Variants in GUCY2C observed in about 807,000 individuals in gnomAD.
GUCY2C encodes guanylyl cyclase C.
A neutral mutation model predicts 131.1 loss-of-function variants in GUCY2C; 118 were observed. The observed-to-expected ratio is 0.90, with a 90% CI of 0.78 to 1.05. The LOEUF (loss-of-function observed/expected upper bound fraction) is 1.05. Among genes scored for constraint, GUCY2C ranks in the 50% least tolerant of loss-of-function variants. The probability of loss-of-function intolerance (pLI) is 0.00; values close to 1 mark genes in which losing one functional copy is unlikely to be tolerated. For missense variants in GUCY2C, 1,161 were observed against 1,304.4 expected, an observed-to-expected ratio of 0.89 and a Z score of 1.69; for synonymous variants, 452 against 457.8, an observed-to-expected ratio of 0.99 and a Z score of 0.16.
intron 23 of GUCY2C, among the ~76,000 whole-genome samples, chr12:14,619,564 T>G (rs1331681600): frequency 6.6e-6 from 1 of 152,200 alleles, no homozygotes. Flanking sequence ...AGGAAGGCAT[T>G]CAGAGATCCA....
intron 19 of GUCY2C, among the ~76,000 whole-genome samples, chr12:14,629,651 TCA>T (rs1290991855): frequency 6.6e-6 from 1 of 152,162 alleles, no homozygotes; most frequent in Non-Finnish European, 1.5e-5. Context: ...AGCCCAACCC[TCA>T]GTTTGGTGGG....
chr12:14,625,621 C>T, intron 21 of GUCY2C, 136 bp downstream of exon 21: 1 of 851,350 alleles, frequency 1.2e-6, no homozygotes, highest in Non-Finnish European at 1.8e-6. Flanking sequence ...GCGTGAGCCT[C>T]CGTGCCTGGC....
chr12:14,643,849 C>G (rs1301582837), intron 16 of GUCY2C, 143 bp from the exon 17 acceptor site: 6 of 701,560 alleles, frequency 8.6e-6, no homozygotes, highest in Admixed American at 2.5e-5. Context: ...CTATTTTTAC[C>G]TTAACAATAT....
chr12:14,644,696 C>T (rs1398678902), intron 16 of GUCY2C, among the ~76,000 whole-genome samples: 14 of 149,164 alleles, frequency 9.4e-5, no homozygotes, highest in Admixed American at 8.7e-4. Context: ...AAGATGGTTT[C>T]CTGTACTTAA....
intron 15 of GUCY2C, among the ~76,000 whole-genome samples, chr12:14,646,760 G>T (rs1947531374): frequency 6.6e-6 from 1 of 152,014 alleles, no homozygotes; most frequent in South Asian, 2.1e-4. Context: ...TTTAATAGGT[G>T]ACCTGCATAT....
chr12:14,650,451 T>C (rs1306599870), intron 15 of GUCY2C, among the ~76,000 whole-genome samples: 3 of 152,206 alleles, frequency 2.0e-5, no homozygotes, highest in South Asian at 2.1e-4. Context: ...TTTCACCGTG[T>C]TGGCCAAGAT....
chr12:14,683,200 A>G lies in GUCY2C; in HGVS notation c.453T>C (p.Cys151=). The G allele has an allele frequency of 6.2e-7, 1 of 1,613,774 alleles. No individual in the cohort carries two copies. The highest frequency in any genetic ancestry group is 8.5e-7 in the Non-Finnish European group (1 of 1,179,724). ...GCCTGGTTAAGGTTTCTTTATAGTCACATGACAATCCAAAACTTCCAGCTG... is the reference window on the plus strand; with the variant it reads ...GCCTGGTTAAGGTTTCTTTATAGTCGCATGACAATCCAAAACTTCCAGCTG... The part of the protein sequence containing the change: ...MISAGSFGLS[C]DYKETLTRLM... Residue 151 remains cysteine, a synonymous_variant, in exon 4 of 27, where the codon TGT becomes TGC. Coordinates refer to ENST00000261170, the MANE Select transcript of GUCY2C (RefSeq NM_004963.4).
chr12:14,686,321 A>C lies in GUCY2C; in HGVS notation c.331-96T>G, dbSNP rs537245293. 1.3e-5 allele frequency: 11 copies of C among 872,194 alleles called. No individual in the cohort carries two copies. The African/African-American group carries it at 1.8e-4, about 15-fold the overall frequency. The allele number at this position is 872,194 out of a possible 1,614,324, so 54.0% of individuals were successfully genotyped here. On this transcript the variant is annotated intron_variant, in intron 2 of 26. Transcript: ENST00000261170. ...AAGGGGAAGGCTCCCAGAGGTTTAG[A>C]AAGTTGGGCCTCCCAAAATGCTCAA...
At chr12:14,669,264 G>C (rs1359693747) in intron 10 of GUCY2C, among the ~76,000 whole-genome samples, 1 of 148,572 alleles carries the variant, frequency 6.7e-6, no homozygotes, top group Non-Finnish European at 1.5e-5. Context: ...GAGTGCAGTA[G>C]AACAAAGATA....
intron 1 of GUCY2C, among the ~76,000 whole-genome samples, chr12:14,693,059 A>C (rs1284982221): frequency 6.6e-6 from 1 of 152,196 alleles, no homozygotes; most frequent in Non-Finnish European, 1.5e-5. Context: ...TCAGACAATG[A>C]CATAACTTCA....
intron 6 of GUCY2C, among the ~76,000 whole-genome samples, chr12:14,677,632 A>G (rs1264014900): frequency 6.6e-6 from 1 of 151,946 alleles, no homozygotes; most frequent in African/African-American, 2.4e-5. Context: ...GTACAATGGC[A>G]TGATCTCGGC....
intron 19 of GUCY2C, among the ~76,000 whole-genome samples, chr12:14,637,249 C>G (rs1592096565): frequency 7.0e-6 from 1 of 143,360 alleles, no homozygotes; most frequent in East Asian, 2.0e-4. Context: ...GGTAAAAGAC[C>G]TCTATAAGGA....
At chr12:14,671,220 C>T (rs1056936583) in intron 9 of GUCY2C, among the ~76,000 whole-genome samples, 3 of 152,160 alleles carry the variant, frequency 2.0e-5, no homozygotes, top group Non-Finnish European at 4.4e-5. Flanking sequence ...TTTCTGCAAC[C>T]TCTGCCTCCC....
intron 2 of GUCY2C, 22 bp downstream of exon 2, chr12:14,687,929 A>G: frequency 7.6e-7 from 1 of 1,310,918 alleles, no homozygotes; most frequent in Non-Finnish European, 1.1e-6. Context: ...CATGAGCTGC[A>G]TCCACAAAAG....
chr12:14,632,670 T>C (rs1194220581), intron 19 of GUCY2C, among the ~76,000 whole-genome samples: 1 of 152,186 alleles, frequency 6.6e-6, no homozygotes, highest in African/African-American at 2.4e-5. Context: ...CTTATAAAAA[T>C]TGAGAATGAC....
chr12:14,648,128 T>G (rs1206471754), intron 15 of GUCY2C, among the ~76,000 whole-genome samples: 1 of 151,946 alleles, frequency 6.6e-6, no homozygotes, highest in Non-Finnish European at 1.5e-5. Context: ...GCCCGGCTAA[T>G]TTTTTGTATT....
intron 12 of GUCY2C, 60 bp from the exon 13 acceptor site, chr12:14,653,074 G>T: frequency 2.5e-6 from 3 of 1,216,852 alleles, no homozygotes; most frequent in Non-Finnish European, 3.7e-6. Context: ...CTCACTGCCT[G>T]TCAAAGGCTG....
At chr12:14,696,103 TAGAA>T in intron 1 of GUCY2C, 125 bp downstream of exon 1, 1 of 709,752 alleles carries the variant, frequency 1.4e-6, no homozygotes, top group South Asian at 1.7e-5. Flanking sequence ...TGTCATGAAA[TAGAA>T]AGGGGTTTAG....
Position 14,684,288 on chromosome 12 carries a change from C to T in GUCY2C, c.396-1031G>A, listed in dbSNP as rs145138590. Among the ~76,000 whole-genome samples the T allele has an allele frequency of 1.0e-3, 153 of 152,264 alleles. 1 individual carries two copies. Among genetic ancestry groups the T allele is most frequent in the African/African-American group, 3.4e-3 (141 of 41,552 alleles). On this transcript the variant is annotated intron_variant, in intron 3 of 26. Transcript: ENST00000261170. The stretch of plus-strand genomic sequence containing the variant: ...TACATTTCCTGAACTCTGGTTAATA[C>T]AGAGTTCTTCATTTCCCTGCTTGTT...
Sources: allele counts gnomAD v4.1 joint callset (sites outside exome capture counted in the v4.1 genomes callset), GRCh38; gene constraint gnomAD v4.1.1; transcripts MANE v1.5; gene names NCBI Gene and HGNC (gene_info 2026-07-23, HGNC 2026-07-21).